Variants in EVC2 observed in about 807,000 individuals in gnomAD.
EVC2 encodes the protein limbin.
A neutral mutation model predicts 149.3 loss-of-function variants in EVC2; 148 were observed. That is an observed-to-expected ratio of 0.99 (90% CI 0.87 to 1.14). The LOEUF (loss-of-function observed/expected upper bound fraction) is 1.14, where lower values mean the gene tolerates loss of function less well. EVC2 is among the 50% of genes most tolerant of loss of function. The pLI is 0.00. For missense variants in EVC2, 1,854 were observed against 1,627.3 expected, an observed-to-expected ratio of 1.14 and a Z score of -2.40; for synonymous variants, 776 against 649.9, an observed-to-expected ratio of 1.19 and a Z score of -2.95.
the EVC2 span, among the ~76,000 whole-genome samples, chr4:5,534,819 A>G: frequency 1.7e-4 from 16 of 95,132 alleles, no homozygotes; most frequent in Non-Finnish European, 2.7e-4. Flanking sequence ...ATCTGGTAGG[A>G]AAAAAAAAAA....
At position 5,568,647 on chromosome 4, in the gene EVC2, G is replaced by C. The variant is rs772860972; in HGVS notation, c.3361-7C>G. 1.9e-6 allele frequency: 3 copies of C among 1,605,626 alleles called. No homozygotes were observed. Among genetic ancestry groups the C allele is most frequent in the African/African-American group, 2.7e-5 (2 of 74,876 alleles). ...ACGATGCCAGTCTCAGCTCCTACAG[G>C]AAACAACAGAGGGAGTTCAGACCCT... On this transcript the variant is annotated splice_region_variant and splice_polypyrimidine_tract_variant and intron_variant, in intron 19 of 21. Transcript: ENST00000344408.
intron 19 of EVC2, among the ~76,000 whole-genome samples, chr4:5,571,821 A>C (rs545040292): frequency 1.3e-5 from 2 of 152,160 alleles, no homozygotes; most frequent in Non-Finnish European, 2.9e-5. Context: ...TTAACATGTA[A>C]ATTGGTGGAC....
At chr4:5,703,075 C>T (rs1015152163) in intron 1 of EVC2, among the ~76,000 whole-genome samples, 54 of 152,182 alleles carry the variant, frequency 3.5e-4, no homozygotes, top group African/African-American at 1.1e-3. Flanking sequence ...AGGTTCATGG[C>T]AACTGTGACT....
Position 5,622,124 on chromosome 4 carries a change from C to T in EVC2, c.2501+413G>A, listed in dbSNP as rs928816385. Among the ~76,000 whole-genome samples, 1 of 152,084 alleles carries T rather than the reference C, an allele frequency of 6.6e-6. No individual in the cohort carries two copies. Among genetic ancestry groups the T allele is most frequent in the South Asian group, 2.1e-4 (1 of 4,812 alleles). On this transcript the variant is annotated intron_variant, in intron 14 of 21. Coordinates refer to ENST00000344408, the MANE Select transcript of EVC2 (RefSeq NM_147127.5). This position sits in a 1 kb window ranked among gnomAD's most constrained non-coding sequence, Gnocchi z 5.8. ...GCCTGGAATGGCCTAACCGCAAGCT[C>T]CCCTTCCCCCTCTGCTCCTGTGGAT...
intron 3 of EVC2, 53 bp downstream of exon 3, chr4:5,694,282 G>T: frequency 6.3e-7 from 1 of 1,590,912 alleles, no homozygotes; most frequent in Non-Finnish European, 8.6e-7. Context: ...GGCCATAATT[G>T]GTTTATTTCC....
rs145302978 is a variant in EVC2 at position 5,639,378 on chromosome 4, T to C, written c.1470+1136A>G. Among the ~76,000 whole-genome samples, 75 of 152,328 alleles carry C rather than the reference T, an allele frequency of 4.9e-4. 1 individual carries two copies. In the South Asian group the frequency reaches 0.014, roughly 29 times the overall value. ...GATTTGGTATATTCAGGAAAAACTC[T>C]AGTTCTTTCAAGGCAGCAACTGACA... On this transcript the variant is annotated intron_variant, in intron 10 of 21. Transcript: ENST00000344408.
chr4:5,599,652 C>A (rs1223996460), intron 16 of EVC2, among the ~76,000 whole-genome samples: 1 of 152,110 alleles, frequency 6.6e-6, no homozygotes, highest in Non-Finnish European at 1.5e-5. Context: ...AGCACACCAG[C>A]ATGGCACATG....
At chr4:5,606,132 C>G (rs1183814152) in intron 16 of EVC2, among the ~76,000 whole-genome samples, 3 of 152,206 alleles carry the variant, frequency 2.0e-5, no homozygotes, top group African/African-American at 7.2e-5. Context: ...TACAAAATGC[C>G]TAAATCTTGT....
At chr4:5,705,337 T>C (rs1262990129) in intron 1 of EVC2, among the ~76,000 whole-genome samples, 1 of 152,232 alleles carries the variant, frequency 6.6e-6, no homozygotes, top group Non-Finnish European at 1.5e-5. Flanking sequence ...GGCTTGCTAC[T>C]GAGCACTGAT....
rs1718593740 is a variant in EVC2, at chr4:5,657,419, GCAAGAGTGTC to G, written c.1145+5678_1145+5687del. Among the ~76,000 whole-genome samples the G allele has an allele frequency of 6.6e-6, 1 of 152,024 alleles. No individual in the cohort carries two copies. Among genetic ancestry groups the G allele is most frequent in the Non-Finnish European group, 1.5e-5 (1 of 68,004 alleles). On this transcript the variant is annotated intron_variant, in intron 9 of 21. Coordinates refer to ENST00000344408, the MANE Select transcript of EVC2 (RefSeq NM_147127.5). The surrounding 1 kb of genome is among the most constrained non-coding windows in gnomAD (Gnocchi z 4.7). ...TCCTTCCATCAAACAGAATCTCCCT[GCAAGAGTGTC>G]CCAGCCACAGGACATCCTTGGAGGA...
intron 11 of EVC2, among the ~76,000 whole-genome samples, chr4:5,631,443 G>A (rs749277977): frequency 6.6e-6 from 1 of 152,098 alleles, no homozygotes; most frequent in South Asian, 2.1e-4. Context: ...AACTTTCCAC[G>A]AGTCAGCTCA....
intron 11 of EVC2, among the ~76,000 whole-genome samples, chr4:5,629,123 A>G (rs1305162403): frequency 6.6e-6 from 1 of 152,216 alleles, no homozygotes; most frequent in Non-Finnish European, 1.5e-5. Context: ...CCATCAGCCC[A>G]ACCCCAAGGA....
intron 10 of EVC2, 45 bp from the exon 11 acceptor site, chr4:5,632,077 A>G: frequency 6.2e-7 from 1 of 1,610,556 alleles, no homozygotes; most frequent in South Asian, 1.1e-5. Flanking sequence ...CACACTGAAC[A>G]TGCACCTACA....
intron 19 of EVC2, among the ~76,000 whole-genome samples, chr4:5,572,891 G>A (rs558103267): frequency 1.4e-4 from 22 of 152,212 alleles, no homozygotes; most frequent in African/African-American, 4.3e-4. Context: ...CTTTACAGTC[G>A]GTCAGGAAGA....
At chr4:5,549,800 G>C (rs1721698356) in intron 21 of EVC2, among the ~76,000 whole-genome samples, 1 of 152,130 alleles carries the variant, frequency 6.6e-6, no homozygotes. Context: ...CCTTTATATG[G>C]TTTTGCTGTA....
chr4:5,552,222 G>GTATA (rs1011254715), intron 21 of EVC2, among the ~76,000 whole-genome samples: 2 of 152,014 alleles, frequency 1.3e-5, no homozygotes, highest in African/African-American at 4.8e-5. Flanking sequence ...CTTCTTATAT[G>GTATA]TATATACACA....
chr4:5,646,847 T>C (rs2108872630), intron 9 of EVC2, among the ~76,000 whole-genome samples: 1 of 152,278 alleles, frequency 6.6e-6, no homozygotes, highest in South Asian at 2.1e-4. Context: ...ATGGTAAAAA[T>C]AATGCCAGAT....
chr4:5,566,491 A>G (rs1260792562), intron 20 of EVC2, among the ~76,000 whole-genome samples: 1 of 152,158 alleles, frequency 6.6e-6, no homozygotes, highest in East Asian at 1.9e-4. Flanking sequence ...CATGGCCCTC[A>G]ATACACCCCA....
At chr4:5,668,197 G>A (rs4610277) in intron 7 of EVC2, among the ~76,000 whole-genome samples, 47,817 of 152,096 alleles carry the variant, frequency 0.31, 7,485 homozygotes, top group Middle Eastern at 0.34. Flanking sequence ...TGCAGCCACA[G>A]TGCAGATTGT....
Sources: allele counts gnomAD v4.1 joint callset (sites outside exome capture counted in the v4.1 genomes callset), GRCh38; gene constraint gnomAD v4.1.1; non-coding constraint Gnocchi (gnomAD v3.1); transcripts MANE v1.5; gene names NCBI Gene and HGNC (gene_info 2026-07-23, HGNC 2026-07-21).